The following PRR12 variants were observed in gnomAD, a reference collection of about 807,000 sequenced individuals.
PRR12 encodes proline rich 12, also known as proline-rich protein 12.
In PRR12, 12 loss-of-function variants were observed where a neutral mutation model predicts 138.0. The observed-to-expected ratio is 0.09, with a 90% CI of 0.06 to 0.14. The LOEUF (loss-of-function observed/expected upper bound fraction) is 0.14. PRR12 is among the 10% of genes least tolerant of loss of function. The pLI is 1.00. For synonymous variants in PRR12, 1,567 were observed against 1,291.7 expected (o/e 1.21, Z -4.57); for missense variants, 2,692 against 2,861.3 (o/e 0.94, Z 1.35).
intron 6 of PRR12, among the ~76,000 whole-genome samples, chr19:49,608,451 TCTC>T (rs2080849313): frequency 6.6e-6 from 1 of 152,046 alleles, no homozygotes; most frequent in African/African-American, 2.4e-5. Flanking sequence ...AAGCGATTCT[TCTC>T]CTTAGCCTCC....
At position 49,596,108 on chromosome 19, in the gene PRR12, C is replaced by T. The variant is rs574684116; in HGVS notation, c.1773C>T (p.Ser591=). The change falls in exon 4 of 14, where the codon AGC becomes AGT. Residue 591 remains serine (S), a synonymous_variant. Coordinates refer to ENST00000418929, the MANE Select transcript of PRR12 (RefSeq NM_020719.3). This position sits in a 1 kb window ranked among gnomAD's most constrained non-coding sequence, Gnocchi z 5.6. ...GSPGAPGKYL[S]SVLASAPFLA... is the part of the protein sequence containing the mutation. The stretch of plus-strand genomic sequence containing the variant: ...CAGGAGCCCCTGGCAAATACCTGAG[C>T]TCAGTCTTGGCCTCAGCGCCTTTCC... The T allele has an allele frequency of 2.5e-6, 4 of 1,603,196 alleles. No individual in the cohort carries two copies. The East Asian group carries it at 6.7e-5, about 27-fold the overall frequency.
Position 49,594,265 on chromosome 19 carries a change from C to A in PRR12, c.200-189C>A, listed in dbSNP as rs1209657665. On this transcript the variant is annotated intron_variant, in intron 2 of 13. Coordinates refer to ENST00000418929, the MANE Select transcript of PRR12 (RefSeq NM_020719.3). This position sits in a 1 kb window ranked among gnomAD's most constrained non-coding sequence, Gnocchi z 5.6. ...CCCTTGTCTTGCTTTACTGTCTCACCTTTCCCCCTTCCCTCCCCTCATTCA... is the reference window on the plus strand; with the variant it reads ...CCCTTGTCTTGCTTTACTGTCTCACATTTCCCCCTTCCCTCCCCTCATTCA... 6.6e-6 allele frequency among the ~76,000 whole-genome samples: 1 copy of A among 152,000 alleles called. No individual in the cohort carries two copies. Among genetic ancestry groups the A allele is most frequent in the African/African-American group, 2.4e-5 (1 of 41,388 alleles).
Position 49,596,370 on chromosome 19 carries a change from G to A in PRR12, c.2035G>A (p.Gly679Arg), listed in dbSNP as rs762059048. The A allele has an allele frequency of 4.6e-5, 73 of 1,599,626 alleles. No individual in the cohort carries two copies. Among genetic ancestry groups the A allele is most frequent in the African/African-American group, 6.7e-5 (5 of 74,746 alleles). ...CTCTAAGGGACTTGGGGGGAGTGGC[G>A]GGGCCGGGGGACCACCGGGTACACC... ...DASKGLGGSGGAGGPPGTPYE... is the reference protein window; with the variant it reads ...DASKGLGGSGRAGGPPGTPYE... The change falls in exon 4 of 14, where the codon GGG (glycine) becomes AGG (arginine). Residue 679 changes from glycine to arginine, a missense_variant. Coordinates refer to ENST00000418929, the MANE Select transcript of PRR12 (RefSeq NM_020719.3). The surrounding 1 kb of genome is among the most constrained non-coding windows in gnomAD (Gnocchi z 5.6).
In PRR12 at chr19:49,599,412, G is replaced by A. The variant is rs1263938443; in HGVS notation, c.3819G>A (p.Lys1273=). The A allele has an allele frequency of 2.5e-6, 4 of 1,611,356 alleles. No individual in the cohort carries two copies. Among genetic ancestry groups the A allele is most frequent in the Non-Finnish European group, 3.4e-6 (4 of 1,179,014 alleles). ...IEAKIKEVEE[K]QPEMKSGFMA... ...CCAAGATTAAGGAGGTGGAGGAGAA[G>A]CAGCCGGAGATGAAGTCGGGTTTCA... Residue 1273 remains lysine, a synonymous_variant, in exon 5 of 14, where the codon AAG becomes AAA. Coordinates refer to ENST00000418929, the MANE Select transcript of PRR12 (RefSeq NM_020719.3). The surrounding 1 kb of genome is among the most constrained non-coding windows in gnomAD (Gnocchi z 5.0).
At chr19:49,612,393 G>A (rs572131064) in intron 6 of PRR12, among the ~76,000 whole-genome samples, 92 of 152,202 alleles carry the variant, frequency 6.0e-4, no homozygotes, top group African/African-American at 2.2e-3. Context: ...AGGCAGGATG[G>A]GTGGGGCTTG....
At position 49,624,970 on chromosome 19, in the gene PRR12, A is replaced by C. The variant is rs1286206162; in HGVS notation, c.5848A>C (p.Arg1950=). ...CCGCAAGACGCTCAGCAAGCTCAAG[A>C]GGAGCGTGGTCAGAGCCCAGGTGGG... ...YNRKTLSKLK[R]SVVRAQEFKV... Residue 1950 remains arginine, a synonymous_variant, in exon 12 of 14, where the codon AGG becomes CGG. Coordinates refer to ENST00000418929, the MANE Select transcript of PRR12 (RefSeq NM_020719.3). The C allele has an allele frequency of 6.3e-7, 1 of 1,597,916 alleles. No homozygotes were observed. The highest frequency in any genetic ancestry group is 1.7e-5 in the Admixed American group (1 of 58,986).
chr19:49,625,330 T>C lies in PRR12; in HGVS notation c.5964+130T>C. On this transcript the variant is annotated intron_variant, in intron 13 of 13. Coordinates refer to ENST00000418929, the MANE Select transcript of PRR12 (RefSeq NM_020719.3). This position sits in a 1 kb window ranked among gnomAD's most constrained non-coding sequence, Gnocchi z 5.5. ...AGTTCAGGTCCTTCTGTCTTGGACT[T>C]AAGAATGCAGCCCCCAGCCCTGGTC... is the stretch of plus-strand genomic sequence containing the variant. 1 of 1,441,960 alleles carries C rather than the reference T, an allele frequency of 6.9e-7. No individual in the cohort carries two copies. Among genetic ancestry groups the C allele is most frequent in the Non-Finnish European group, 9.5e-7 (1 of 1,056,246 alleles). 89.3% of individuals were successfully genotyped at this position (1,441,960 alleles called of 1,614,324 possible).
In PRR12 at chr19:49,614,538, G is replaced by A. The variant is rs929591389; in HGVS notation, c.4779G>A (p.Ala1593=). 1.7e-5 allele frequency: 27 copies of A among 1,547,038 alleles called. No individual in the cohort carries two copies. Among genetic ancestry groups the A allele is most frequent in the Admixed American group, 1.4e-4 (7 of 50,266 alleles). Residue 1593 remains alanine (A), a synonymous_variant, in exon 7 of 14, where the codon GCG becomes GCA. Coordinates refer to ENST00000418929, the MANE Select transcript of PRR12 (RefSeq NM_020719.3). The surrounding 1 kb of genome is among the most constrained non-coding windows in gnomAD (Gnocchi z 5.0). ...RAEDIPSLKL[A]LQTGREPPPI... is the part of the protein sequence containing the mutation. ...ACCACACCCCTCCTCCTCAGCTGGC[G>A]TTGCAGACGGGGCGTGAACCCCCAC...
chr19:49,622,222 C>T (rs2080926813), intron 11 of PRR12, among the ~76,000 whole-genome samples: 1 of 152,068 alleles, frequency 6.6e-6, no homozygotes, highest in African/African-American at 2.4e-5. Flanking sequence ...TAGGCTGGTA[C>T]TAAGAATTCT....
chr19:49,596,147 A>G lies in PRR12; in HGVS notation c.1812A>G (p.Gly604=). Residue 604 remains glycine (G), a synonymous_variant, in exon 4 of 14, where the codon GGA becomes GGG. Coordinates refer to ENST00000418929, the MANE Select transcript of PRR12 (RefSeq NM_020719.3). The surrounding 1 kb of genome is among the most constrained non-coding windows in gnomAD (Gnocchi z 5.6). The part of the protein sequence containing the change: ...LASAPFLAPP[G]AGSYAAGAGG... ...CAGCGCCTTTCCTGGCACCTCCGGG[A>G]GCTGGCAGCTATGCAGCCGGAGCAG... is the stretch of plus-strand genomic sequence containing the variant. 6.2e-7 allele frequency: 1 copy of G among 1,606,938 alleles called. No homozygotes were observed. Among genetic ancestry groups the G allele is most frequent in the Non-Finnish European group, 8.5e-7 (1 of 1,179,782 alleles).
Position 49,601,640 on chromosome 19 carries a change from C to T in PRR12, c.4495C>T (p.Pro1499Ser), listed in dbSNP as rs189937355. The change falls in exon 6 of 14, where the codon CCG (proline) becomes TCG (serine). Residue 1499 changes from proline (P) to serine (S), a missense_variant. Around this residue, in one of 11 missense-constraint regions of PRR12, gnomAD observed 231 missense variants for 200.8 expected, o/e 1.15. Transcript: ENST00000418929. The part of the protein sequence containing the change: ...VAPTPSSPPP[P>S]PLPPPPPPAM... Reference sequence around the variant, plus strand: ...CCCCACGCCCAGCTCACCACCGCCACCGCCGCTGCCGCCGCCACCTCCACC... The same window carrying T: ...CCCCACGCCCAGCTCACCACCGCCATCGCCGCTGCCGCCGCCACCTCCACC... 37,752 of 1,536,708 alleles carry T rather than the reference C, an allele frequency of 0.025. 598 individuals are homozygous for T. Among genetic ancestry groups the T allele is most frequent in the Non-Finnish European group, 0.028 (32,629 of 1,144,992 alleles).
rs2080891595 is a variant in PRR12, at chr19:49,616,089, G to C, written c.5367G>C (p.Val1789=). The change falls in exon 9 of 14, where the codon GTG becomes GTC. Residue 1789 remains valine (V), a synonymous_variant. Coordinates refer to ENST00000418929, the MANE Select transcript of PRR12 (RefSeq NM_020719.3). This position sits in a 1 kb window ranked among gnomAD's most constrained non-coding sequence, Gnocchi z 4.2. ...TGCCCAAAGCCCGGCCTACCAAGGT[G>C]AAGGCTGAACCGCCCCCTAAGAAGA... The part of the protein sequence containing the change: ...SRLPKARPTK[V]KAEPPPKKRK... The C allele has an allele frequency of 6.4e-7, 1 of 1,569,858 alleles. No individual in the cohort carries two copies. The highest frequency in any genetic ancestry group is 8.6e-7 in the Non-Finnish European group (1 of 1,158,138).
intron 11 of PRR12, among the ~76,000 whole-genome samples, chr19:49,622,697 C>T (rs1477477102): frequency 1.4e-5 from 2 of 146,692 alleles, no homozygotes; most frequent in Non-Finnish European, 3.0e-5. Context: ...CGAGACCATC[C>T]TGACTAACAC....
chr19:49,592,078 C>G (rs925368778), intron 1 of PRR12, among the ~76,000 whole-genome samples: 1 of 151,802 alleles, frequency 6.6e-6, no homozygotes. Flanking sequence ...GGTGACCCCT[C>G]CCCCCCGCGC....
chr19:49,592,046 C>T (rs1276413690), intron 1 of PRR12, among the ~76,000 whole-genome samples: 1 of 152,192 alleles, frequency 6.6e-6, no homozygotes, highest in Non-Finnish European at 1.5e-5. Context: ...TGGACTTCCC[C>T]CCATCCTTGG....
chr19:49,617,204 A>G (rs1251661194), intron 9 of PRR12, among the ~76,000 whole-genome samples: 1 of 152,176 alleles, frequency 6.6e-6, no homozygotes, highest in Non-Finnish European at 1.5e-5. Flanking sequence ...ACATATGTAC[A>G]GTAAGGGTAA....
Position 49,594,370 on chromosome 19 carries a change from C to G in PRR12, c.200-84C>G. The G allele has an allele frequency of 8.1e-6, 11 of 1,358,624 alleles. No homozygotes were observed. In the South Asian group the frequency reaches 1.4e-4, roughly 18 times the overall value. The allele number at this position is 1,358,624 out of a possible 1,614,324, so 84.2% of individuals were successfully genotyped here. On this transcript the variant is annotated intron_variant, in intron 2 of 13. Coordinates refer to ENST00000418929, the MANE Select transcript of PRR12 (RefSeq NM_020719.3). The surrounding 1 kb of genome is among the most constrained non-coding windows in gnomAD (Gnocchi z 5.6). ...CCATCCCCTCCTTTTCCTGATCCAA[C>G]TTGCTTTTGGCCTCTTCCCTTTCTC...
At position 49,591,481 on chromosome 19, in the gene PRR12, C is replaced by T. The variant is rs1428802544; in HGVS notation, c.-174C>T. 6.7e-6 allele frequency among the ~76,000 whole-genome samples: 1 copy of T among 149,816 alleles called. No homozygotes were observed. Among genetic ancestry groups the T allele is most frequent in the Non-Finnish European group, 1.5e-5 (1 of 66,868 alleles). On this transcript the variant is annotated 5_prime_UTR_variant, in exon 1 of 14. Coordinates refer to ENST00000418929, the MANE Select transcript of PRR12 (RefSeq NM_020719.3). ...CCGCCCCTCCGCCCCTGCCCCCTCC[C>T]TCCCCCGCCCGGGGCCTTCCCGGGC... is the stretch of plus-strand genomic sequence containing the variant.
chr19:49,619,073 A>G (rs1568431343), intron 9 of PRR12, among the ~76,000 whole-genome samples: 1 of 151,542 alleles, frequency 6.6e-6, no homozygotes, highest in Non-Finnish European at 1.5e-5. Context: ...TTGCCCCTTT[A>G]TGATCTGACC....
Sources: gnomAD v4.1 joint callset for allele counts (sites outside exome capture counted in the v4.1 genomes callset) on GRCh38, gnomAD v4.1.1 for gene constraint, gnomAD v4.1.1 regional missense constraint, Gnocchi (gnomAD v3.1) non-coding constraint, MANE v1.5 for transcripts, NCBI Gene and HGNC (gene_info 2026-07-23, HGNC 2026-07-21) for gene names.